Variants in RAD51B observed in about 807,000 individuals in gnomAD.
RAD51B encodes the protein DNA repair protein RAD51 homolog 2.
Under a neutral mutation model 42.2 loss-of-function variants are expected in RAD51B, and 38 were observed. That is an observed-to-expected ratio of 0.90 (90% CI 0.70 to 1.18). The LOEUF (loss-of-function observed/expected upper bound fraction) is 1.18. Ranked by LOEUF, RAD51B falls within the 50% of genes most tolerant of loss-of-function variation. RAD51B has a pLI of 0.00. For missense variants in RAD51B, 373 were observed against 400.7 expected (o/e 0.93, Z 0.59); for synonymous variants, 154 against 145.2 (o/e 1.06, Z -0.43).
intron 10 of RAD51B, among the ~76,000 whole-genome samples, chr14:68,588,673 C>T (rs748755886): frequency 6.6e-6 from 1 of 152,144 alleles, no homozygotes. Flanking sequence ...GGCGGTTCCC[C>T]ACAAGTGAGT....
At chr14:68,598,922 T>C (rs1358621461), downstream of RAD51B, among the ~76,000 whole-genome samples, 1 of 152,166 alleles carries the variant, frequency 6.6e-6, no homozygotes, top group Non-Finnish European at 1.5e-5. Context: ...CTCCTGTTAG[T>C]GCTGGAAGTT....
chr14:68,062,439 C>G (rs550008688), intron 7 of RAD51B, among the ~76,000 whole-genome samples: 1 of 152,058 alleles, frequency 6.6e-6, no homozygotes, highest in Non-Finnish European at 1.5e-5. Context: ...CCCTTCCCTT[C>G]AATTTCTTGG....
At chr14:68,566,084 C>G (rs1176342711) in intron 10 of RAD51B, among the ~76,000 whole-genome samples, 1 of 152,260 alleles carries the variant, frequency 6.6e-6, no homozygotes, top group Non-Finnish European at 1.5e-5. Flanking sequence ...TTCACCCTCT[C>G]TCCTGATTTC....
chr14:68,403,444 T>G (rs552463340), intron 8 of RAD51B, among the ~76,000 whole-genome samples: 1 of 152,324 alleles, frequency 6.6e-6, no homozygotes, highest in African/African-American at 2.4e-5. Flanking sequence ...GAGTCATAAA[T>G]TGAAATGTTT....
intron 10 of RAD51B, among the ~76,000 whole-genome samples, chr14:68,503,113 G>A (rs1885037136): frequency 6.6e-6 from 1 of 152,158 alleles, no homozygotes; most frequent in African/African-American, 2.4e-5. Flanking sequence ...CTGAAGTGGA[G>A]ACAACAAAGC....
intron 7 of RAD51B, among the ~76,000 whole-genome samples, chr14:68,265,980 TG>T (rs1244800760): frequency 6.6e-6 from 1 of 152,120 alleles, no homozygotes; most frequent in Non-Finnish European, 1.5e-5. Flanking sequence ...ACTACTAAAT[TG>T]GATTAAGTGC....
downstream of RAD51B, among the ~76,000 whole-genome samples, chr14:68,611,899 C>T (rs1891694590): frequency 6.6e-6 from 1 of 151,536 alleles, no homozygotes; most frequent in South Asian, 2.1e-4. Context: ...TTTTTTTCAG[C>T]AATAAGGAAT....
chr14:68,196,882 C>T (rs1255315440), intron 7 of RAD51B, among the ~76,000 whole-genome samples: 5 of 152,166 alleles, frequency 3.3e-5, no homozygotes, highest in African/African-American at 1.2e-4. Context: ...GAGTTCTACT[C>T]TTTTGACATG....
chr14:68,199,444 T>C (rs924642943), intron 7 of RAD51B, among the ~76,000 whole-genome samples: 34 of 152,242 alleles, frequency 2.2e-4, no homozygotes. Context: ...GTTTTCTTTC[T>C]TGTGTTCATG....
rs943709578 is a variant in RAD51B at position 68,573,664 on chromosome 14, C to T, written c.1037-20821C>T. Among the ~76,000 whole-genome samples the T allele has an allele frequency of 7.9e-5, 12 of 152,312 alleles. No individual in the cohort carries two copies. The South Asian group carries it at 1.0e-3, about 13-fold the overall frequency. ...AGGGCAGCACCCTTGACCACTGCTA[C>T]GTATCCAGCACTGTGTAGGGCGCCT... On this transcript the variant is annotated intron_variant, in intron 10 of 10. Coordinates refer to the RAD51B transcript ENST00000487270.
At chr14:68,212,226 C>T (rs2079725575) in intron 7 of RAD51B, among the ~76,000 whole-genome samples, 1 of 152,180 alleles carries the variant, frequency 6.6e-6, no homozygotes, top group South Asian at 2.1e-4. Context: ...TAATATGGCA[C>T]TTGGTTGGAA....
chr14:68,374,590 TAAC>T (rs1457774762), intron 8 of RAD51B, among the ~76,000 whole-genome samples: 1 of 151,986 alleles, frequency 6.6e-6, no homozygotes, highest in Non-Finnish European at 1.5e-5. Context: ...CCTAACCACT[TAAC>T]AACCCTGTGG....
At chr14:68,145,660 G>C (rs186619915) in intron 7 of RAD51B, among the ~76,000 whole-genome samples, 2 of 152,160 alleles carry the variant, frequency 1.3e-5, no homozygotes, top group Non-Finnish European at 2.9e-5. Flanking sequence ...TATGTGAATT[G>C]AGTGAATTGT....
chr14:67,899,464 G>C (rs955054317), intron 7 of RAD51B, among the ~76,000 whole-genome samples: 9 of 152,198 alleles, frequency 5.9e-5, no homozygotes, highest in Non-Finnish European at 1.0e-4. Flanking sequence ...TTATAGGAGA[G>C]AAAAGTATGT....
chr14:68,412,088 C>T (rs1427034382), intron 9 of RAD51B, among the ~76,000 whole-genome samples: 1 of 152,216 alleles, frequency 6.6e-6, no homozygotes, highest in East Asian at 1.9e-4. Context: ...CTGGCCAAAA[C>T]TGAAAATCCT....
intron 10 of RAD51B, among the ~76,000 whole-genome samples, chr14:68,574,706 G>A (rs991488709): frequency 3.3e-5 from 5 of 152,218 alleles, no homozygotes; most frequent in Admixed American, 3.3e-4. Context: ...CCTTGCAGTA[G>A]CAGGTTCTGG....
intron 7 of RAD51B, among the ~76,000 whole-genome samples, chr14:68,057,001 A>T (rs1465402788): frequency 6.6e-6 from 1 of 151,652 alleles, no homozygotes; most frequent in African/African-American, 2.4e-5. Flanking sequence ...AGGCAGGAGA[A>T]TTGCTTGAAC....
chr14:68,649,041 G>A (rs1892644837), intron 10 of RAD51B, among the ~76,000 whole-genome samples: 1 of 152,162 alleles, frequency 6.6e-6, no homozygotes, highest in South Asian at 2.1e-4. Context: ...AACATGAAGA[G>A]GTGGAGATCT....
At chr14:68,641,295 G>C (rs923373469) in intron 10 of RAD51B, among the ~76,000 whole-genome samples, 2 of 152,128 alleles carry the variant, frequency 1.3e-5, no homozygotes, top group African/African-American at 4.8e-5. Context: ...TGACATTTTT[G>C]TACTAACTTT....
Sources: gnomAD v4.1 joint callset for allele counts (sites outside exome capture counted in the v4.1 genomes callset) on GRCh38, gnomAD v4.1.1 for gene constraint, MANE v1.5 for transcripts, NCBI Gene and HGNC (gene_info 2026-07-23, HGNC 2026-07-21) for gene names.